PCCA: variants seen among roughly 807,000 people sequenced by gnomAD.
PCCA encodes propionyl-CoA carboxylase alpha chain, mitochondrial.
PCCA carries 74 observed loss-of-function variants against 101.3 expected under a neutral mutation model. That is an observed-to-expected ratio of 0.73 (90% CI 0.61 to 0.89). The LOEUF (loss-of-function observed/expected upper bound fraction) is 0.89. PCCA is among the 40% of genes least tolerant of loss of function. The pLI is 0.00. For synonymous variants in PCCA, 294 were observed against 313.6 expected, an observed-to-expected ratio of 0.94 and a Z score of 0.66; for missense variants, 891 against 907.0, an observed-to-expected ratio of 0.98 and a Z score of 0.23.
chr13:100,511,529 A>G (rs181916229), intron 21 of PCCA, among the ~76,000 whole-genome samples: 8 of 152,366 alleles, frequency 5.3e-5, no homozygotes, highest in Admixed American at 2.0e-4. Context: ...TTTACAGTCA[A>G]AGATAGCACC....
chr13:100,515,568 G>GT lies in PCCA; in HGVS notation c.2040+2dup. 1 of 1,613,434 alleles carries GT rather than the reference G, an allele frequency of 6.2e-7. No individual in the cohort carries two copies. Among genetic ancestry groups the GT allele is most frequent in the Non-Finnish European group, 8.5e-7 (1 of 1,179,940 alleles). ...CGTCTCTGTCAAGCCTGGAGACGCG[G>GT]TAAGGGCTGTGTGTGTCTCTCTGCA... On this transcript the variant is annotated splice_donor_variant, in intron 22 of 23. Coordinates refer to ENST00000376285, the MANE Select transcript of PCCA (RefSeq NM_000282.4). LOFTEE classifies it high-confidence loss of function.
chr13:100,435,448 G>A (rs1325638094), intron 20 of PCCA, among the ~76,000 whole-genome samples: 1 of 152,192 alleles, frequency 6.6e-6, no homozygotes, highest in Non-Finnish European at 1.5e-5. Flanking sequence ...TTCTTTATCT[G>A]ATTAGATGAG....
At chr13:100,267,583 G>A (rs1307848125) in intron 10 of PCCA, among the ~76,000 whole-genome samples, 2 of 152,092 alleles carry the variant, frequency 1.3e-5, no homozygotes, top group African/African-American at 4.8e-5. Context: ...ACTAAAATTA[G>A]TGCCTGGTCT....
chr13:100,295,337 A>T (rs1302875213), intron 12 of PCCA, among the ~76,000 whole-genome samples: 2 of 152,222 alleles, frequency 1.3e-5, no homozygotes, highest in African/African-American at 4.8e-5. Flanking sequence ...GTAATGGGAC[A>T]GTTTCCTCAT....
chr13:100,423,435 C>T (rs1279052447), intron 19 of PCCA, among the ~76,000 whole-genome samples: 2 of 152,166 alleles, frequency 1.3e-5, no homozygotes, highest in Non-Finnish European at 2.9e-5. Flanking sequence ...ACCTCTTATT[C>T]GGGATTATGT....
chr13:100,460,979 T>C (rs1457374220), intron 21 of PCCA, among the ~76,000 whole-genome samples: 2 of 152,228 alleles, frequency 1.3e-5, no homozygotes, highest in Non-Finnish European at 2.9e-5. Flanking sequence ...TGGGGAACTT[T>C]GGAGTTTCAG....
chr13:100,355,357 C>T (rs901777317), intron 18 of PCCA, among the ~76,000 whole-genome samples: 59 of 152,048 alleles, frequency 3.9e-4, no homozygotes, highest in African/African-American at 1.3e-3. Flanking sequence ...ATAAGGGCAT[C>T]TAGATTGGAG....
chr13:100,200,911 C>T (rs539618115), intron 6 of PCCA, among the ~76,000 whole-genome samples: 1 of 152,024 alleles, frequency 6.6e-6, no homozygotes, highest in Non-Finnish European at 1.5e-5. Flanking sequence ...AATTGCAGAA[C>T]TTTAACCTCT....
intron 18 of PCCA, among the ~76,000 whole-genome samples, chr13:100,345,673 A>T (rs936845257): frequency 7.9e-5 from 12 of 152,222 alleles, no homozygotes; most frequent in Non-Finnish European, 1.5e-4. Flanking sequence ...TTCAATGTAG[A>T]TAAGACAGCC....
chr13:100,374,187 A>T (rs76524188), intron 19 of PCCA, among the ~76,000 whole-genome samples: 4,262 of 152,238 alleles, frequency 0.028, 191 homozygotes, highest in African/African-American at 0.098. Context: ...GGTAAAAATG[A>T]AAGTTAAGTG....
At chr13:100,122,388 T>G (rs2049493483) in intron 4 of PCCA, among the ~76,000 whole-genome samples, 1 of 152,150 alleles carries the variant, frequency 6.6e-6, no homozygotes. Flanking sequence ...ATCTTCTAGT[T>G]TTTTTGGAAG....
chr13:100,147,783 T>TC (rs978007040), intron 4 of PCCA, among the ~76,000 whole-genome samples: 3 of 152,160 alleles, frequency 2.0e-5, no homozygotes, highest in African/African-American at 7.2e-5. Flanking sequence ...ATTATTTATT[T>TC]CTTTTTTTAC....
chr13:100,368,925 A>G (rs1377062175), intron 19 of PCCA, among the ~76,000 whole-genome samples: 2 of 152,180 alleles, frequency 1.3e-5, no homozygotes, highest in Non-Finnish European at 2.9e-5. Context: ...AAAACAAATA[A>G]TCTGAAGCCT....
chr13:100,372,959 G>T (rs1226579437), intron 19 of PCCA, among the ~76,000 whole-genome samples: 1 of 152,080 alleles, frequency 6.6e-6, no homozygotes, highest in African/African-American at 2.4e-5. Context: ...GGCCAGGCTG[G>T]TCTCGAACTC....
In PCCA at chr13:100,268,784, G is replaced by A. The variant is rs1162998218; in HGVS notation, c.914+1G>A. Reference sequence around the variant, plus strand: ...AGAAGGTGGTGGAGGAAGCACCAAGGTAAGTCTCCTAAGAAACATTTATAA... The same window carrying A: ...AGAAGGTGGTGGAGGAAGCACCAAGATAAGTCTCCTAAGAAACATTTATAA... On this transcript the variant is annotated splice_donor_variant, in intron 11 of 23. Coordinates refer to ENST00000376285, the MANE Select transcript of PCCA (RefSeq NM_000282.4). LOFTEE classifies it high-confidence loss of function. The A allele has an allele frequency of 6.2e-7, 1 of 1,604,096 alleles. No homozygotes were observed. The highest frequency in any genetic ancestry group is 2.2e-5 in the East Asian group (1 of 44,848).
chr13:100,200,823 A>G (rs2058435918), intron 6 of PCCA, among the ~76,000 whole-genome samples: 1 of 151,998 alleles, frequency 6.6e-6, no homozygotes. Context: ...ATATAGAAGT[A>G]TAATTAAATA....
chr13:100,530,110 C>G lies in PCCA; in HGVS notation c.2131C>G (p.His711Asp). 1 of 1,613,848 alleles carries G rather than the reference C, an allele frequency of 6.2e-7. No homozygotes were observed. The highest frequency in any genetic ancestry group is 2.2e-5 in the East Asian group (1 of 44,874). ...TTCAAAATTCAAGGTGAAATCTGTG[C>G]ACTGTCAAGCTGGAGACACAGTTGG... ...AGKTGTVKSVHCQAGDTVGEG... is the reference protein window; with the variant it reads ...AGKTGTVKSVDCQAGDTVGEG... The change falls in exon 24 of 24, where the codon CAC (histidine) becomes GAC (aspartate). Residue 711 changes from histidine (H) to aspartate (D), a missense_variant. His to Asp is a moderately conservative substitution (Grantham distance 81). Transcript: ENST00000376285.
At chr13:100,253,103 C>G (rs539004348) in intron 8 of PCCA, among the ~76,000 whole-genome samples, 1 of 152,264 alleles carries the variant, frequency 6.6e-6, no homozygotes, top group East Asian at 1.9e-4. Context: ...CATTTATTCC[C>G]TCCGTGTTAT....
At chr13:100,425,354 TC>T (rs1190799519) in intron 19 of PCCA, among the ~76,000 whole-genome samples, 73 of 151,226 alleles carry the variant, frequency 4.8e-4, no homozygotes, top group African/African-American at 1.8e-3. Context: ...ATGTAGCATG[TC>T]CAGATAGGTT....
Sources: gnomAD v4.1 joint callset for allele counts (sites outside exome capture counted in the v4.1 genomes callset) on GRCh38, gnomAD v4.1.1 for gene constraint, MANE v1.5 for transcripts, NCBI Gene and HGNC (gene_info 2026-07-23, HGNC 2026-07-21) for gene names.